OCA2: variants seen among roughly 807,000 people sequenced by gnomAD.
OCA2 encodes P protein.
In OCA2, 77 loss-of-function variants were observed where a neutral mutation model predicts 100.2. That is an observed-to-expected ratio of 0.77 (90% CI 0.64 to 0.93). The LOEUF is 0.93. Ranked by LOEUF, OCA2 falls within the 40% of genes least tolerant of loss-of-function variation. The pLI is 0.00. For synonymous variants in OCA2, 432 were observed against 439.2 expected (o/e 0.98, Z 0.21); for missense variants, 1,062 against 1,089.1 (o/e 0.98, Z 0.35).
chr15:28,098,872 G>T (rs1034651959), intron 1 of OCA2, among the ~76,000 whole-genome samples: 2 of 152,236 alleles, frequency 1.3e-5, no homozygotes, highest in Non-Finnish European at 2.9e-5. Flanking sequence ...TGGCTAGGAG[G>T]CCCCGCAGTG....
At chr15:27,823,823 A>G (rs1174630524) in intron 23 of OCA2, among the ~76,000 whole-genome samples, 1 of 152,178 alleles carries the variant, frequency 6.6e-6, no homozygotes. Flanking sequence ...ATGTTGACTT[A>G]TTTTCTAATC....
At chr15:28,003,827 G>C (rs1331974347) in intron 9 of OCA2, among the ~76,000 whole-genome samples, 1 of 152,196 alleles carries the variant, frequency 6.6e-6, no homozygotes. Context: ...CTGAAGGTGG[G>C]CCTTCCAAGG....
At chr15:27,815,422 C>T (rs2034259708) in intron 23 of OCA2, among the ~76,000 whole-genome samples, 1 of 152,102 alleles carries the variant, frequency 6.6e-6, no homozygotes, top group Non-Finnish European at 1.5e-5. Context: ...GTTTTTTACC[C>T]ACCAAACTAG....
chr15:27,997,131 GAAGGAAGGA>G (rs1391227521), intron 9 of OCA2, among the ~76,000 whole-genome samples: 1,411 of 33,900 alleles, frequency 0.042, 21 homozygotes, highest in Non-Finnish European at 0.16. Context: ...AAGGAAGGAA[GAAGGAAGGA>G]AGAGAGAGAG....
intron 1 of OCA2, among the ~76,000 whole-genome samples, chr15:28,088,718 A>G (rs1179135840): frequency 6.6e-6 from 1 of 152,202 alleles, no homozygotes; most frequent in African/African-American, 2.4e-5. Context: ...GGAGTACATG[A>G]ATAGGGTGTG....
At chr15:28,085,790 A>G (rs149589701) in intron 1 of OCA2, among the ~76,000 whole-genome samples, 93 of 152,234 alleles carry the variant, frequency 6.1e-4, no homozygotes, top group African/African-American at 2.2e-3. Flanking sequence ...GAGAAGACCT[A>G]CTTTTCCCTG....
chr15:28,087,108 C>T (rs1399223924), intron 1 of OCA2, among the ~76,000 whole-genome samples: 1 of 151,978 alleles, frequency 6.6e-6, no homozygotes, highest in Non-Finnish European at 1.5e-5. Context: ...ACAAGATAAT[C>T]CCAAAGAAAT....
chr15:27,971,236 TATAA>T (rs2040778624), intron 14 of OCA2, among the ~76,000 whole-genome samples: 1 of 152,050 alleles, frequency 6.6e-6, no homozygotes, highest in Non-Finnish European at 1.5e-5. Flanking sequence ...GTGGGAAAAG[TATAA>T]AAAGCATCCA....
At chr15:27,943,264 C>T (rs756224902) in intron 18 of OCA2, among the ~76,000 whole-genome samples, 16 of 152,172 alleles carry the variant, frequency 1.1e-4, no homozygotes, top group Non-Finnish European at 1.9e-4. Flanking sequence ...GGAATTCAGA[C>T]ACAACTCACC....
chr15:27,825,128 T>G lies in OCA2; in HGVS notation c.2432+19831A>C, dbSNP rs796794742. Reference sequence around the variant, plus strand: ...AAAAAATGGCTTTGGGTGATGCTCTTAATTGAAAAGTGATTGCTTGGTGAG... The same window carrying G: ...AAAAAATGGCTTTGGGTGATGCTCTGAATTGAAAAGTGATTGCTTGGTGAG... On this transcript the variant is annotated intron_variant, in intron 23 of 23. Coordinates refer to ENST00000354638, the MANE Select transcript of OCA2 (RefSeq NM_000275.3). Among the ~76,000 whole-genome samples the G allele has an allele frequency of 3.8e-4, 58 of 152,300 alleles. 1 individual carries two copies. The highest frequency in any genetic ancestry group is 1.3e-3 in the African/African-American group (56 of 41,586).
At chr15:27,737,888 G>A in the OCA2 span, among the ~76,000 whole-genome samples, 96 of 152,322 alleles carry the variant, frequency 6.3e-4, no homozygotes, top group African/African-American at 2.2e-3. Flanking sequence ...GACAAAAGGT[G>A]TGGGCAGACA....
At chr15:27,944,788 G>A (rs994298529) in intron 18 of OCA2, among the ~76,000 whole-genome samples, 47 of 152,142 alleles carry the variant, frequency 3.1e-4, no homozygotes, top group Admixed American at 3.0e-3. Context: ...CCAAATCAGA[G>A]AGGCAGATTT....
At chr15:27,739,715 G>A in the OCA2 span, among the ~76,000 whole-genome samples, 254 of 152,104 alleles carry the variant, frequency 1.7e-3, 2 homozygotes, top group African/African-American at 5.8e-3. Flanking sequence ...CAAAATGCTG[G>A]GATTACAGGT....
At chr15:27,903,539 C>T (rs2038048984) in intron 19 of OCA2, among the ~76,000 whole-genome samples, 1 of 152,196 alleles carries the variant, frequency 6.6e-6, no homozygotes. Flanking sequence ...CCCGGAGGCA[C>T]TTTCTATTAC....
chr15:27,861,421 G>A (rs941884971), intron 21 of OCA2, among the ~76,000 whole-genome samples: 9 of 152,118 alleles, frequency 5.9e-5, no homozygotes, highest in African/African-American at 1.9e-4. Flanking sequence ...TGCTGTGGAT[G>A]GCACTTGGAG....
chr15:28,091,851 G>T (rs138980506), intron 1 of OCA2, among the ~76,000 whole-genome samples: 2,087 of 152,242 alleles, frequency 0.014, 39 homozygotes, highest in African/African-American at 0.047. Context: ...AGCTACTTGG[G>T]AGGCTGAAGC....
chr15:27,953,904 G>A (rs187860324), intron 17 of OCA2, among the ~76,000 whole-genome samples: 4 of 151,530 alleles, frequency 2.6e-5, no homozygotes, highest in Admixed American at 6.6e-5. Context: ...TTTATCCCTC[G>A]CCCCACTCCC....
At chr15:27,968,815 G>C (rs2040669259) in intron 14 of OCA2, among the ~76,000 whole-genome samples, 1 of 152,202 alleles carries the variant, frequency 6.6e-6, no homozygotes, top group African/African-American at 2.4e-5. Context: ...CTCATGGAAT[G>C]CTTTGGGTGA....
chr15:27,919,584 C>T (rs1468107800), intron 19 of OCA2, among the ~76,000 whole-genome samples: 1 of 152,038 alleles, frequency 6.6e-6, no homozygotes, highest in Non-Finnish European at 1.5e-5. Flanking sequence ...ACTATGGAGA[C>T]AGGAATAAGA....
Sources: allele counts gnomAD v4.1 joint callset (sites outside exome capture counted in the v4.1 genomes callset), GRCh38; gene constraint gnomAD v4.1.1; transcripts MANE v1.5; gene names NCBI Gene and HGNC (gene_info 2026-07-23, HGNC 2026-07-21).